The following IL17RB variants were observed in gnomAD, a reference collection of about 807,000 sequenced individuals.
The protein encoded by IL17RB is interleukin-17 receptor B.
A neutral mutation model predicts 43.9 loss-of-function variants in IL17RB; 36 were observed. That is an observed-to-expected ratio of 0.82 (90% confidence interval 0.63 to 1.08). The LOEUF (loss-of-function observed/expected upper bound fraction) is 1.08. IL17RB is among the 50% of genes least tolerant of loss of function. The pLI is 0.00. For synonymous variants in IL17RB, 225 were observed against 225.4 expected (o/e 1.00, Z 0.02); for missense variants, 613 against 613.6 (o/e 1.00, Z 0.01).
intron 3 of IL17RB, 141 bp from the exon 4 acceptor site, chr3:53,851,858 G>A: frequency 2.1e-6 from 2 of 939,628 alleles, no homozygotes; most frequent in Admixed American, 2.4e-5. Flanking sequence ...CTGTAAACTG[G>A]AGACAGTGGT....
At chr3:53,860,778 G>GA (rs1385498018) in intron 10 of IL17RB, 2 of 151,910 alleles carry the variant, frequency 1.3e-5, no homozygotes, top group Non-Finnish European at 2.9e-5. Flanking sequence ...AAAAAATGAA[G>GA]AAAAAGGTAT....
chr3:53,857,769 T>C, intron 8 of IL17RB, 79 bp downstream of exon 8: 1 of 1,279,060 alleles, frequency 7.8e-7, no homozygotes, highest in Non-Finnish European at 1.1e-6. Flanking sequence ...AAGGATGAGT[T>C]CTCTCTTGTC....
intron 10 of IL17RB, 91 bp downstream of exon 10, chr3:53,860,319 GT>G: frequency 9.7e-7 from 1 of 1,031,894 alleles, no homozygotes; most frequent in South Asian, 1.4e-5. Flanking sequence ...GCAATCACAT[GT>G]TGGCGTTTCC....
intron 10 of IL17RB, among the ~76,000 whole-genome samples, chr3:53,864,470 G>C (rs1456656806): frequency 3.3e-5 from 5 of 152,152 alleles, no homozygotes; most frequent in Non-Finnish European, 5.9e-5. Flanking sequence ...AGGAGGCGGA[G>C]GTTGTAGTCA....
chr3:53,856,817 T>C, intron 6 of IL17RB, 27 bp from the exon 7 acceptor site: 2 of 1,613,592 alleles, frequency 1.2e-6, no homozygotes, highest in Non-Finnish European at 1.7e-6. Context: ...AGCAAGTTCA[T>C]CTACATGGTT....
At chr3:53,861,053 A>G (rs1699545066) in intron 10 of IL17RB, 1 of 152,216 alleles carries the variant, frequency 6.6e-6, no homozygotes, top group African/African-American at 2.4e-5. Context: ...TACTGTGGTG[A>G]GCTCAAGGGT....
intron 9 of IL17RB, 130 bp from the exon 10 acceptor site, chr3:53,860,000 A>C (rs1267291345): frequency 1.5e-6 from 1 of 652,730 alleles, no homozygotes; most frequent in African/African-American, 1.8e-5. Context: ...ACAAAGCGAG[A>C]CTCTGTCTCA....
chr3:53,853,129 A>G, intron 5 of IL17RB, 132 bp downstream of exon 5: 1 of 1,000,154 alleles, frequency 1.0e-6, no homozygotes, highest in Non-Finnish European at 1.6e-6. Flanking sequence ...TATCTAAAGC[A>G]TGGACACAGT....
intron 9 of IL17RB, chr3:53,859,313 T>TA (rs1699469858): frequency 6.5e-6 from 1 of 152,718 alleles, no homozygotes; most frequent in Admixed American, 6.5e-5. Context: ...TCTCTGGAGT[T>TA]AGAGATGTGT....
rs1323385021 is a variant in IL17RB at position 53,856,956 on chromosome 3, C to A, written c.642C>A (p.Ser214Arg). 1 of 1,614,096 alleles carries A rather than the reference C, an allele frequency of 6.2e-7. No homozygotes were observed. Among genetic ancestry groups the A allele is most frequent in the Admixed American group, 1.7e-5 (1 of 60,028 alleles). ...GATACATGGCTCTTATCCAACACAG[C>A]ACTATCATCGGGTTTTCTCAGGTGT... ...GNRYMALIQH[S>R]TIIGFSQVFE... Residue 214 changes from serine to arginine, a missense_variant, in exon 7 of 11, where the codon AGC becomes AGA. Transcript: ENST00000288167.
chr3:53,859,085 A>T (rs1366572463), intron 9 of IL17RB: 7 of 337,232 alleles, frequency 2.1e-5, no homozygotes, highest in Non-Finnish European at 3.2e-5. Flanking sequence ...TGCAAAATGG[A>T]TGTTCTGAGT....
intron 2 of IL17RB, among the ~76,000 whole-genome samples, chr3:53,848,990 TAG>T (rs995136562): frequency 6.6e-6 from 1 of 152,176 alleles, no homozygotes; most frequent in African/African-American, 2.4e-5. Flanking sequence ...GAAGGTCACT[TAG>T]AGTTGGGACC....
chr3:53,852,827 C>T lies in IL17RB; in HGVS notation c.355-44C>T, dbSNP rs768642035. 6 of 1,599,628 alleles carry T rather than the reference C, an allele frequency of 3.8e-6. No individual in the cohort carries two copies. The African/African-American group carries it at 8.0e-5, about 21-fold the overall frequency. Reference sequence around the variant, plus strand: ...CACACTAAGGTATACTGTTTCTGTACTGCAGTGTTTTGGGAATTGAGAGTT... The same window carrying T: ...CACACTAAGGTATACTGTTTCTGTATTGCAGTGTTTTGGGAATTGAGAGTT... On this transcript the variant is annotated intron_variant, in intron 4 of 10. Transcript: ENST00000288167.
chr3:53,858,550 G>T, intron 8 of IL17RB, 169 bp from the exon 9 acceptor site: 1 of 1,433,156 alleles, frequency 7.0e-7, no homozygotes, highest in South Asian at 1.5e-5. Context: ...CACTGGTTTT[G>T]ACTTTAGGGC....
intron 5 of IL17RB, among the ~76,000 whole-genome samples, chr3:53,854,954 A>G (rs1371859505): frequency 6.6e-6 from 1 of 151,970 alleles, no homozygotes; most frequent in Non-Finnish European, 1.5e-5. Flanking sequence ...AAAATGTTAG[A>G]GCCCCACAAA....
intron 3 of IL17RB, among the ~76,000 whole-genome samples, chr3:53,850,903 T>G (rs141787948): frequency 6.6e-6 from 1 of 152,210 alleles, no homozygotes; most frequent in Non-Finnish European, 1.5e-5. Context: ...GGGAGTTTCT[T>G]AACCTGCATA....
chr3:53,863,183 G>A (rs138581366), intron 10 of IL17RB, among the ~76,000 whole-genome samples: 1 of 152,186 alleles, frequency 6.6e-6, no homozygotes, highest in African/African-American at 2.4e-5. Flanking sequence ...TATGTTATTG[G>A]TAAGACTTCC....
chr3:53,849,699 G>C lies in IL17RB; in HGVS notation c.130G>C (p.Asp44His), dbSNP rs1382899835. ...WMLQHDLIPG[D>H]LRDLRVEPVT... ...GCTACAACATGATCTAATCCCCGGA[G>C]ACTTGAGGGACCTCCGAGTAGAACC... The change falls in exon 3 of 11, where the codon GAC (aspartate) becomes CAC (histidine). Residue 44 changes from aspartate to histidine, a missense_variant. Transcript: ENST00000288167. 6 of 1,612,964 alleles carry C rather than the reference G, an allele frequency of 3.7e-6. No homozygotes were observed. In the East Asian group the frequency reaches 1.3e-4, roughly 36 times the overall value.
At chr3:53,854,188 T>C (rs7624599) in intron 5 of IL17RB, among the ~76,000 whole-genome samples, 80,437 of 152,042 alleles carry the variant, frequency 0.53, 23,429 homozygotes, top group East Asian at 0.95. Flanking sequence ...TGAGCCACCG[T>C]ACCCAGCCTT....
Sources: allele counts gnomAD v4.1 joint callset (sites outside exome capture counted in the v4.1 genomes callset), GRCh38; gene constraint gnomAD v4.1.1; transcripts MANE v1.5; gene names NCBI Gene and HGNC (gene_info 2026-07-23, HGNC 2026-07-21).